Variants in AFAP1 observed in about 807,000 individuals in gnomAD.
AFAP1 encodes the protein actin filament-associated protein 1.
A neutral mutation model predicts 93.9 loss-of-function variants in AFAP1; 75 were observed. The ratio of observed to expected loss-of-function variants is 0.80; its 90% CI spans 0.66 to 0.97. The LOEUF is 0.97. Among genes scored for constraint, AFAP1 ranks in the 50% least tolerant of loss-of-function variants. The pLI, the probability that AFAP1 is intolerant of heterozygous loss-of-function variation, is 0.00. For synonymous variants in AFAP1, 517 were observed against 430.7 expected, an observed-to-expected ratio of 1.20 and a Z score of -2.48; for missense variants, 1,201 against 1,050.8, an observed-to-expected ratio of 1.14 and a Z score of -1.98.
intron 6 of AFAP1, among the ~76,000 whole-genome samples, chr4:7,836,501 C>T (rs774214076): frequency 4.6e-5 from 7 of 152,234 alleles, no homozygotes; most frequent in Non-Finnish European, 1.0e-4. Context: ...GGCTGGAGTA[C>T]AGTGGCGCAG....
At chr4:7,896,900 G>A (rs1351925996) in intron 1 of AFAP1, among the ~76,000 whole-genome samples, 1 of 151,470 alleles carries the variant, frequency 6.6e-6, no homozygotes, top group Non-Finnish European at 1.5e-5. Context: ...ATGCCTGGCA[G>A]CATGTGACAC....
chr4:7,910,604 G>A (rs1026955782), intron 1 of AFAP1, among the ~76,000 whole-genome samples: 1 of 152,160 alleles, frequency 6.6e-6, no homozygotes, highest in African/African-American at 2.4e-5. Flanking sequence ...ACAACAGCGG[G>A]AGTAACAGAC....
intron 1 of AFAP1, among the ~76,000 whole-genome samples, chr4:7,883,570 C>T (rs1380876091): frequency 3.9e-5 from 6 of 152,052 alleles, no homozygotes; most frequent in Admixed American, 3.3e-4. Context: ...CAATCAGAAA[C>T]TTAAAAAAAA....
At chr4:7,893,812 T>C (rs546800214) in intron 1 of AFAP1, among the ~76,000 whole-genome samples, 1 of 152,190 alleles carries the variant, frequency 6.6e-6, no homozygotes, top group South Asian at 2.1e-4. Flanking sequence ...GGGTCGCACT[T>C]TGAGAAGCCA....
In AFAP1 at chr4:7,838,514, G is replaced by C; in HGVS notation, c.726+10C>G. On this transcript the variant is annotated intron_variant, in intron 6 of 17. Coordinates refer to ENST00000420658, the MANE Select transcript of AFAP1 (RefSeq NM_001134647.2). ...ACTGAAATGGCTGTGAAACACAGCA[G>C]ACAACCTACCTTCAGCCACTGCTCG... 1 of 1,609,092 alleles carries C rather than the reference G, an allele frequency of 6.2e-7. No homozygotes were observed. The highest frequency in any genetic ancestry group is 8.5e-7 in the Non-Finnish European group (1 of 1,177,172).
chr4:7,867,013 T>C (rs1274280747), intron 3 of AFAP1, among the ~76,000 whole-genome samples: 4 of 146,960 alleles, frequency 2.7e-5, no homozygotes, highest in African/African-American at 7.6e-5. Flanking sequence ...CACTCCAGCC[T>C]GGGTGACAGA....
At chr4:7,788,653 G>C (rs150030049) in intron 11 of AFAP1, 113 of 152,312 alleles carry the variant, frequency 7.4e-4, no homozygotes, top group African/African-American at 2.4e-3. Context: ...AAAAGATTTT[G>C]ATTTTTAAAA....
At chr4:7,782,300 C>T (rs28460880) in intron 12 of AFAP1, among the ~76,000 whole-genome samples, 23,054 of 152,230 alleles carry the variant, frequency 0.15, 1,961 homozygotes, top group African/African-American at 0.22. Context: ...GACATGAGAC[C>T]ACCTGCAGGC....
chr4:7,897,817 T>C (rs1269868433), intron 1 of AFAP1, among the ~76,000 whole-genome samples: 3 of 152,126 alleles, frequency 2.0e-5, no homozygotes, highest in Non-Finnish European at 4.4e-5. Context: ...ATTACAGGCA[T>C]GAGCCACCGC....
chr4:7,933,221 C>T (rs1346005865), intron 1 of AFAP1, among the ~76,000 whole-genome samples: 2 of 151,880 alleles, frequency 1.3e-5, no homozygotes, highest in African/African-American at 2.4e-5. Flanking sequence ...TTGCCACAGG[C>T]CTTAGGAAGA....
intron 1 of AFAP1, among the ~76,000 whole-genome samples, chr4:7,920,767 GAT>G (rs1434511182): frequency 2.0e-5 from 3 of 152,010 alleles, no homozygotes; most frequent in Non-Finnish European, 2.9e-5. Context: ...AGACAATTTC[GAT>G]ATGTTTGAGA....
At chr4:7,917,136 A>G (rs1001059034) in intron 1 of AFAP1, among the ~76,000 whole-genome samples, 3 of 152,044 alleles carry the variant, frequency 2.0e-5, no homozygotes, top group African/African-American at 7.2e-5. Flanking sequence ...AAGCCTTAAG[A>G]CTCATTTCAT....
At chr4:7,862,489 G>C (rs1715848298) in intron 3 of AFAP1, among the ~76,000 whole-genome samples, 1 of 152,020 alleles carries the variant, frequency 6.6e-6, no homozygotes, top group Non-Finnish European at 1.5e-5. Flanking sequence ...TATGGAGCTG[G>C]ATGGTGGTGA....
Position 7,763,791 on chromosome 4 carries a change from C to T in AFAP1, c.2419G>A (p.Glu807Lys), listed in dbSNP as rs754006150. The stretch of plus-strand genomic sequence containing the variant: ...TAGGTCCCGTTCTTCAATTCCCATT[C>T]CTAGAGGAAAGGAGAGTCTTGTAAG... ...CRGHVLRKAK[E>K]WELKNGT Residue 807 changes from glutamate to lysine, a missense_variant and splice_region_variant, in exon 18 of 18, where the codon GAA becomes AAA. Transcript: ENST00000420658. The T allele has an allele frequency of 4.5e-6, 7 of 1,551,482 alleles. No individual in the cohort carries two copies. Among genetic ancestry groups the T allele is most frequent in the Non-Finnish European group, 6.1e-6 (7 of 1,146,930 alleles).
At chr4:7,854,331 C>T (rs1195608089) in intron 4 of AFAP1, among the ~76,000 whole-genome samples, 1 of 152,136 alleles carries the variant, frequency 6.6e-6, no homozygotes. Context: ...CAGTCTGTGC[C>T]CCGACTGCTC....
intron 4 of AFAP1, 151 bp downstream of exon 4, chr4:7,855,315 C>G: frequency 3.3e-6 from 2 of 607,404 alleles, no homozygotes; most frequent in Non-Finnish European, 2.9e-6. Context: ...CAAAACCTTT[C>G]CTGTACTGAC....
At chr4:7,909,913 C>T (rs1236929168) in intron 1 of AFAP1, among the ~76,000 whole-genome samples, 1 of 152,218 alleles carries the variant, frequency 6.6e-6, no homozygotes. Flanking sequence ...CAGTTCAACA[C>T]ACATTCATTG....
At chr4:7,781,101 G>A (rs1198578233) in intron 13 of AFAP1, among the ~76,000 whole-genome samples, 1 of 152,112 alleles carries the variant, frequency 6.6e-6, no homozygotes, top group African/African-American at 2.4e-5. Flanking sequence ...GCCTTTAGTT[G>A]ACATAATTCA....
At chr4:7,935,166 TAATAC>T (rs1167156315) in intron 1 of AFAP1, among the ~76,000 whole-genome samples, 1 of 152,132 alleles carries the variant, frequency 6.6e-6, no homozygotes, top group Non-Finnish European at 1.5e-5. Flanking sequence ...AAATCTTAGG[TAATAC>T]AATATTTTAT....
Sources: gnomAD v4.1 joint callset for allele counts (sites outside exome capture counted in the v4.1 genomes callset) on GRCh38, gnomAD v4.1.1 for gene constraint, MANE v1.5 for transcripts, NCBI Gene and HGNC (gene_info 2026-07-23, HGNC 2026-07-21) for gene names.